Variants in SLC9B2 observed in about 807,000 individuals in gnomAD.
SLC9B2 encodes sodium/hydrogen exchanger 9B2.
Under a neutral mutation model 52.2 loss-of-function variants are expected in SLC9B2, and 39 were observed. The ratio of observed to expected loss-of-function variants is 0.75; its 90% CI spans 0.58 to 0.98. The LOEUF (loss-of-function observed/expected upper bound fraction) is 0.98. Among genes scored for constraint, SLC9B2 ranks in the 50% least tolerant of loss-of-function variants. The probability of loss-of-function intolerance (pLI) is 0.00; values close to 1 mark genes in which losing one functional copy is unlikely to be tolerated. For missense variants in SLC9B2, 626 were observed against 637.5 expected (o/e 0.98, Z 0.19); for synonymous variants, 214 against 227.0 (o/e 0.94, Z 0.51).
At chr4:103,052,590 A>T (rs1377418081) in intron 4 of SLC9B2, among the ~76,000 whole-genome samples, 1 of 152,206 alleles carries the variant, frequency 6.6e-6, no homozygotes, top group Non-Finnish European at 1.5e-5. Context: ...TGAAATTTAA[A>T]ATGTGTTTCT....
At position 103,066,407 on chromosome 4, in the gene SLC9B2, G is replaced by C; in HGVS notation, c.191C>G (p.Thr64Ser). The C allele has an allele frequency of 7.4e-6, 12 of 1,614,042 alleles. No individual in the cohort carries two copies. Among genetic ancestry groups the C allele is most frequent in the Non-Finnish European group, 1.0e-5 (12 of 1,179,956 alleles). ...SSEKKLQETP[T>S]EANHVQRLRQ... Reference sequence around the variant, plus strand: ...CAGTCTTTGTACGTGATTTGCTTCAGTTGGTGTTTCTTGTAGCTTTTTTTC... The same window carrying C: ...CAGTCTTTGTACGTGATTTGCTTCACTTGGTGTTTCTTGTAGCTTTTTTTC... Residue 64 changes from threonine to serine, a missense_variant, in exon 3 of 12, where the codon ACT becomes AGT. By Grantham distance (58) the Thr-to-Ser change is moderately conservative. Coordinates refer to ENST00000394785, the MANE Select transcript of SLC9B2 (RefSeq NM_178833.7).
At chr4:103,049,877 T>C (rs535109957) in intron 5 of SLC9B2, among the ~76,000 whole-genome samples, 2 of 152,148 alleles carry the variant, frequency 1.3e-5, no homozygotes, top group East Asian at 1.9e-4. Flanking sequence ...CCGGGTGTGG[T>C]AGTGCATGTC....
chr4:103,031,806 T>TG lies in SLC9B2; in HGVS notation c.1148dup (p.Glu384ArgfsTer3). The TG allele has an allele frequency of 6.2e-7, 1 of 1,611,714 alleles. No individual in the cohort carries two copies. The highest frequency in any genetic ancestry group is 8.5e-7 in the Non-Finnish European group (1 of 1,178,592). On this transcript the variant is annotated frameshift_variant and splice_region_variant, in exon 10 of 12. Coordinates refer to ENST00000394785, the MANE Select transcript of SLC9B2 (RefSeq NM_178833.7). ...CAACTGCAATTATCTTTTCAACCTCTGCCTAAAATAACAATAAAACACACA... is the reference window on the plus strand; with the variant it reads ...CAACTGCAATTATCTTTTCAACCTCTGGCCTAAAATAACAATAAAACACACA...
chr4:103,020,478 C>A, downstream of SLC9B2: 1 of 368,494 alleles, frequency 2.7e-6, no homozygotes. Flanking sequence ...TTTCTCCTGA[C>A]ACTCAATGTT....
At chr4:103,075,299 A>G (rs1747021109) in intron 1 of SLC9B2, among the ~76,000 whole-genome samples, 1 of 152,130 alleles carries the variant, frequency 6.6e-6, no homozygotes, top group Non-Finnish European at 1.5e-5. Flanking sequence ...ACGGGCGTGC[A>G]CCACCATGCC....
chr4:103,032,115 G>A (rs1742761978), intron 9 of SLC9B2, among the ~76,000 whole-genome samples: 1 of 152,070 alleles, frequency 6.6e-6, no homozygotes, highest in Non-Finnish European at 1.5e-5. Context: ...GTGCATGTGT[G>A]TATACATATT....
chr4:103,076,257 G>A lies in SLC9B2; in HGVS notation c.-116C>T, dbSNP rs1427652165. On this transcript the variant is annotated 5_prime_UTR_variant, in exon 1 of 12. Transcript: ENST00000394785. ...AAGGGGCTGTGGGGGAGGCGGCGGA[G>A]CCCGGTCTAGCCACCGCGCTCTGGG... 1 of 152,532 alleles carries A rather than the reference G, an allele frequency of 6.6e-6. No homozygotes were observed. Among genetic ancestry groups the A allele is most frequent in the Non-Finnish European group, 1.5e-5 (1 of 68,276 alleles). 9.4% of individuals were successfully genotyped at this position (152,532 alleles called of 1,614,324 possible). A position where few individuals can be genotyped will look rare whatever the true frequency, so the allele number is the denominator to read the frequency against.
chr4:103,055,281 C>G (rs1050304042), intron 4 of SLC9B2, among the ~76,000 whole-genome samples: 4 of 151,542 alleles, frequency 2.6e-5, no homozygotes, highest in African/African-American at 9.7e-5. Flanking sequence ...GGAGATATAC[C>G]TAATGTAAAT....
At chr4:103,060,003 T>C (rs1745482472) in intron 3 of SLC9B2, among the ~76,000 whole-genome samples, 1 of 152,172 alleles carries the variant, frequency 6.6e-6, no homozygotes, top group Non-Finnish European at 1.5e-5. Flanking sequence ...AAGAGCCTGA[T>C]TTCAGCTTTT....
intron 3 of SLC9B2, among the ~76,000 whole-genome samples, chr4:103,064,928 G>T (rs900315775): frequency 2.0e-5 from 3 of 151,892 alleles, no homozygotes; most frequent in Non-Finnish European, 4.4e-5. Context: ...AAAGTTGGCC[G>T]GTTAAAACTA....
chr4:103,069,545 C>T (rs1209661228), intron 1 of SLC9B2, among the ~76,000 whole-genome samples: 12 of 152,352 alleles, frequency 7.9e-5, no homozygotes, highest in Admixed American at 6.5e-4. Flanking sequence ...CATATTCCTT[C>T]TTCCTGATTA....
At chr4:103,038,104 T>C (rs905896835) in intron 9 of SLC9B2, among the ~76,000 whole-genome samples, 13 of 152,082 alleles carry the variant, frequency 8.5e-5, no homozygotes, top group African/African-American at 2.4e-4. Context: ...TCAGGCAATC[T>C]GCCTGCCTCA....
chr4:103,056,301 G>A (rs969968287), intron 4 of SLC9B2, among the ~76,000 whole-genome samples: 2 of 152,070 alleles, frequency 1.3e-5, no homozygotes, highest in Non-Finnish European at 2.9e-5. Flanking sequence ...AGGCTAGAGT[G>A]CAGTGGTGTG....
At chr4:103,045,078 T>C in intron 7 of SLC9B2, 82 bp from the exon 8 acceptor site, 1 of 873,160 alleles carries the variant, frequency 1.1e-6, no homozygotes, top group South Asian at 1.7e-5. Flanking sequence ...ACATGAAGCA[T>C]CTAATTACAA....
chr4:103,063,254 G>C (rs1487754434), intron 3 of SLC9B2, among the ~76,000 whole-genome samples: 2 of 152,164 alleles, frequency 1.3e-5, no homozygotes, highest in East Asian at 3.8e-4. Flanking sequence ...TTATCAGCTA[G>C]TGTATATTTT....
chr4:103,073,432 C>T (rs1746841447), intron 1 of SLC9B2, among the ~76,000 whole-genome samples: 1 of 152,166 alleles, frequency 6.6e-6, no homozygotes, highest in African/African-American at 2.4e-5. Context: ...ATCTAATGGT[C>T]ATTTCCCAAA....
intron 7 of SLC9B2, 100 bp downstream of exon 7, chr4:103,046,951 T>C: frequency 7.3e-7 from 1 of 1,368,408 alleles, no homozygotes; most frequent in South Asian, 1.4e-5. Context: ...ATTTTTAATT[T>C]GCCTTAATCA....
chr4:103,042,524 A>T (rs758141709), intron 9 of SLC9B2: 4 of 151,764 alleles, frequency 2.6e-5, no homozygotes, highest in Admixed American at 1.3e-4. Flanking sequence ...AAGGCTTTTG[A>T]ACAAACTGGG....
chr4:103,075,353 T>C (rs1747026197), intron 1 of SLC9B2, among the ~76,000 whole-genome samples: 1 of 152,174 alleles, frequency 6.6e-6, no homozygotes, highest in African/African-American at 2.4e-5. Flanking sequence ...TTTTACCATG[T>C]TGGCTAGGCT....
Sources: allele counts gnomAD v4.1 joint callset (sites outside exome capture counted in the v4.1 genomes callset), GRCh38; gene constraint gnomAD v4.1.1; transcripts MANE v1.5; gene names NCBI Gene and HGNC (gene_info 2026-07-23, HGNC 2026-07-21).